The following PDE1C variants were observed in gnomAD, a reference collection of about 807,000 sequenced individuals.
PDE1C encodes dual specificity calcium/calmodulin-dependent 3',5'-cyclic nucleotide phosphodiesterase 1C.
Under a neutral mutation model 93.1 loss-of-function variants are expected in PDE1C, and 62 were observed. That is an observed-to-expected ratio of 0.67 (90% CI 0.54 to 0.82). The LOEUF is 0.82. Ranked by LOEUF, PDE1C falls within the 40% of genes least tolerant of loss-of-function variation. The probability of loss-of-function intolerance (pLI) is 0.00; values close to 1 mark genes in which losing one functional copy is unlikely to be tolerated. For missense variants in PDE1C, 742 were observed against 884.6 expected, an observed-to-expected ratio of 0.84 and a Z score of 2.04; for synonymous variants, 325 against 310.1, an observed-to-expected ratio of 1.05 and a Z score of -0.50.
chr7:32,348,343 A>C (rs1653890), intron 1 of PDE1C, among the ~76,000 whole-genome samples: 112,186 of 141,278 alleles, frequency 0.79, 44,933 homozygotes, highest in Admixed American at 0.84. Flanking sequence ...ACCAAAAATA[A>C]AAAACAAATG....
intron 1 of PDE1C, among the ~76,000 whole-genome samples, chr7:32,395,988 T>C (rs1242602961): frequency 3.3e-5 from 5 of 152,202 alleles, no homozygotes; most frequent in Non-Finnish European, 7.3e-5. Context: ...CAGTAGTCCC[T>C]AAATTAATTT....
At chr7:31,717,913 T>C in the PDE1C span, among the ~76,000 whole-genome samples, 2 of 152,170 alleles carry the variant, frequency 1.3e-5, no homozygotes. Flanking sequence ...AACTGGCTGG[T>C]ATCTACCGTG....
chr7:31,927,498 C>T (rs1393942236), intron 2 of PDE1C, among the ~76,000 whole-genome samples: 1 of 152,216 alleles, frequency 6.6e-6, no homozygotes, highest in Non-Finnish European at 1.5e-5. Context: ...TGCCTCCTGA[C>T]TGGGAGATAC....
intron 1 of PDE1C, among the ~76,000 whole-genome samples, chr7:32,426,185 T>C (rs914510825): frequency 6.6e-5 from 10 of 152,202 alleles, no homozygotes; most frequent in African/African-American, 2.4e-4. Flanking sequence ...GCCTTACTCT[T>C]GTACTATATT....
the PDE1C span, among the ~76,000 whole-genome samples, chr7:31,694,873 A>G: frequency 6.6e-6 from 1 of 152,188 alleles, no homozygotes; most frequent in African/African-American, 2.4e-5. Flanking sequence ...AAGTAAATAA[A>G]TGAGTCAGAA....
In PDE1C at chr7:31,760,759, TACACACACAC is replaced by T. The variant is rs10573498; in HGVS notation, c.1961-7216_1961-7207del. On this transcript the variant is annotated intron_variant, in intron 17 of 17. Transcript: ENST00000396191. ...ATAGACACTTTCTATCTGCAATGTG[TACACACACAC>T]ACACACACACACACACACACACACA... 4.6e-4 allele frequency among the ~76,000 whole-genome samples: 68 copies of T among 148,690 alleles called. 1 individual carries two copies. The highest frequency in any genetic ancestry group is 1.4e-3 in the African/African-American group (58 of 40,354).
At chr7:31,852,343 A>G (rs1005243503) in intron 7 of PDE1C, among the ~76,000 whole-genome samples, 12 of 152,250 alleles carry the variant, frequency 7.9e-5, no homozygotes, top group Admixed American at 7.8e-4. Context: ...ATATACCTCA[A>G]AAACACAAAT....
chr7:31,705,986 ATTTTTTTTTTTTTTTTTTTTTTT>A, the PDE1C span, among the ~76,000 whole-genome samples: 2 of 52,486 alleles, frequency 3.8e-5, no homozygotes, highest in Non-Finnish European at 7.1e-5. Context: ...CAGACCAGTA[ATTTTTTTTTTTTTTTTTTTTTTT>A]TTTTTTTTTT....
chr7:32,057,240 G>A (rs896814274), intron 1 of PDE1C, among the ~76,000 whole-genome samples: 2 of 152,128 alleles, frequency 1.3e-5, no homozygotes, highest in African/African-American at 2.4e-5. Context: ...AACTCAATGC[G>A]GAGATCTCAT....
chr7:31,666,811 A>G, the PDE1C span, among the ~76,000 whole-genome samples: 2 of 151,752 alleles, frequency 1.3e-5, no homozygotes, highest in Non-Finnish European at 2.9e-5. Context: ...TTTGTCCTGT[A>G]TATTTTGAAT....
intron 2 of PDE1C, among the ~76,000 whole-genome samples, chr7:31,949,417 G>A (rs536188472): frequency 2.6e-5 from 4 of 152,178 alleles, no homozygotes; most frequent in South Asian, 4.1e-4. Flanking sequence ...CCAAGATCCT[G>A]CCATTGCACT....
chr7:32,223,825 G>A lies in PDE1C; in HGVS notation c.86-14286C>T, dbSNP rs185855478. On this transcript the variant is annotated intron_variant, in intron 1 of 18. Transcript: ENST00000396193. ...GCGGGTGCTTGAGTCTCCATCCTCC[G>A]TCTTGTCCTATCCTGTAACATTCCA... 1.2e-4 allele frequency among the ~76,000 whole-genome samples: 19 copies of A among 152,140 alleles called. No homozygotes were observed. The East Asian group carries it at 2.1e-3, about 17-fold the overall frequency.
chr7:31,652,056 G>T, the PDE1C span: 6 of 1,573,668 alleles, frequency 3.8e-6, no homozygotes, highest in Admixed American at 3.6e-5. Context: ...TACTGGTATG[G>T]GTGATGGGGT....
chr7:31,700,594 T>C, the PDE1C span, among the ~76,000 whole-genome samples: 2 of 152,198 alleles, frequency 1.3e-5, no homozygotes, highest in Non-Finnish European at 2.9e-5. Context: ...TTTCTTAATG[T>C]AGATGAAACA....
chr7:31,661,632 G>C, the PDE1C span, among the ~76,000 whole-genome samples: 1 of 152,108 alleles, frequency 6.6e-6, no homozygotes, highest in African/African-American at 2.4e-5. Context: ...AGAATCGCTT[G>C]AACCCACAAC....
At chr7:32,068,381 G>A (rs1795647927) in intron 1 of PDE1C, among the ~76,000 whole-genome samples, 2 of 151,970 alleles carry the variant, frequency 1.3e-5, no homozygotes, top group Admixed American at 6.6e-5. Context: ...ATTTATTCTA[G>A]CACTGCTGTT....
chr7:32,346,232 T>C (rs2128081522), intron 1 of PDE1C, among the ~76,000 whole-genome samples: 1 of 152,366 alleles, frequency 6.6e-6, no homozygotes, highest in East Asian at 1.9e-4. Flanking sequence ...TTTGAAATTC[T>C]TAATAAATTT....
At chr7:32,115,589 C>T (rs887817519) in intron 3 of PDE1C, among the ~76,000 whole-genome samples, 25 of 152,092 alleles carry the variant, frequency 1.6e-4, no homozygotes, top group Admixed American at 3.3e-4. Flanking sequence ...ACCTATATAA[C>T]AAACCTGCAC....
At chr7:31,825,981 G>C (rs1214697112) in intron 12 of PDE1C, among the ~76,000 whole-genome samples, 1 of 152,164 alleles carries the variant, frequency 6.6e-6, no homozygotes, top group Non-Finnish European at 1.5e-5. Flanking sequence ...CTCAGGCCTA[G>C]AACTATACCT....
Sources: gnomAD v4.1 joint callset for allele counts (sites outside exome capture counted in the v4.1 genomes callset) on GRCh38, gnomAD v4.1.1 for gene constraint, MANE v1.5 for transcripts, NCBI Gene and HGNC (gene_info 2026-07-23, HGNC 2026-07-21) for gene names.